The following ZNF81 variants were observed in gnomAD, a reference collection of about 807,000 sequenced individuals.
The protein encoded by ZNF81 is zinc finger protein 81 (HFZ20).
A neutral mutation model predicts 32.3 loss-of-function variants in ZNF81; 5 were observed. That is an observed-to-expected ratio of 0.15 (90% confidence interval 0.08 to 0.33). The LOEUF is 0.33. Among genes scored for constraint, ZNF81 ranks in the 10% least tolerant of loss-of-function variants. ZNF81 has a pLI of 1.00. For missense variants in ZNF81, 379 were observed against 479.8 expected, an observed-to-expected ratio of 0.79 and a Z score of 1.96; for synonymous variants, 163 against 166.8, an observed-to-expected ratio of 0.98 and a Z score of 0.17.
At chrX:47,899,985 T>C (rs1357659937) in intron 4 of ZNF81, among the ~76,000 whole-genome samples, 1 of 111,630 alleles carries the variant, frequency 9.0e-6, no homozygotes, top group Non-Finnish European at 1.9e-5. Context: ...CAGTGTTCTA[T>C]AATCTATAAC....
At chrX:47,872,918 CATT>C (rs2058585818) in intron 2 of ZNF81, among the ~76,000 whole-genome samples, 2 of 111,128 alleles carry the variant, frequency 1.8e-5, no homozygotes. Context: ...AAACCAGTAT[CATT>C]ATTCTGTGGG....
intron 2 of ZNF81, among the ~76,000 whole-genome samples, chrX:47,864,509 A>G (rs2058552852): frequency 8.9e-6 from 1 of 111,843 alleles, no homozygotes; most frequent in Non-Finnish European, 1.9e-5. Context: ...GAGTGGGGCC[A>G]CACGTCATGT....
At chrX:47,860,750 T>C (rs1556882468) in intron 2 of ZNF81, 1 of 110,997 alleles carries the variant, frequency 9.0e-6, no homozygotes, top group African/African-American at 3.3e-5. Context: ...AAAGATGTGG[T>C]TTGGAGAGCT....
chrX:47,871,222 A>G (rs782592593), intron 2 of ZNF81, among the ~76,000 whole-genome samples: 13 of 112,047 alleles, frequency 1.2e-4, no homozygotes, highest in Non-Finnish European at 2.3e-4. Flanking sequence ...TTAATTTTCC[A>G]TGAGATATTT....
At chrX:47,884,420 A>T (rs905468345) in intron 2 of ZNF81, among the ~76,000 whole-genome samples, 1 of 109,011 alleles carries the variant, frequency 9.2e-6, no homozygotes, top group Admixed American at 9.9e-5. Context: ...GGGTCCTCTC[A>T]CTCAGGGTCT....
rs1556890745 is a variant in ZNF81, at chrX:47,915,988, G to T, written c.1342G>T (p.Gly448Trp). ...GERSYICTQC[G>W]QAFIQKAHLI... is the part of the protein sequence containing the mutation. ...GAGGTCCTATATCTGTACTCAATGT[G>T]GGCAGGCCTTCATCCAGAAGGCACA... Residue 448 changes from glycine to tryptophan, a missense_variant, in exon 5 of 5, where the codon GGG becomes TGG. Gly to Trp is a radical substitution (Grantham distance 184, BLOSUM62 -2). Coordinates refer to ENST00000338637, the MANE Select transcript of ZNF81 (RefSeq NM_007137.5). The T allele has an allele frequency of 8.3e-7, 1 of 1,211,522 alleles. No homozygotes were observed. Among genetic ancestry groups the T allele is most frequent in the Admixed American group, 2.2e-5 (1 of 45,935 alleles).
At position 47,920,488 on chromosome X, in the gene ZNF81, A is replaced by C. The variant is rs1219921184; in HGVS notation, c.*3856A>C. 1 of 110,455 alleles carries C rather than the reference A, an allele frequency of 9.1e-6. No individual in the cohort carries two copies. Among genetic ancestry groups the C allele is most frequent in the Non-Finnish European group, 1.9e-5 (1 of 52,835 alleles). 9.1% of individuals were successfully genotyped at this position (110,455 alleles called of 1,213,427 possible). ...AGAAGGCCTTTAATGATCTGGGCCCAGGATGATTTCCTGCCCTTTTATCAT... is the reference window on the plus strand; with the variant it reads ...AGAAGGCCTTTAATGATCTGGGCCCCGGATGATTTCCTGCCCTTTTATCAT... On this transcript the variant is annotated 3_prime_UTR_variant, in exon 5 of 5. Coordinates refer to ENST00000338637, the MANE Select transcript of ZNF81 (RefSeq NM_007137.5).
intron 2 of ZNF81, among the ~76,000 whole-genome samples, chrX:47,873,117 G>T (rs2058586619): frequency 1.8e-5 from 2 of 111,658 alleles, no homozygotes; most frequent in Non-Finnish European, 3.8e-5. Flanking sequence ...CAGCAAATCT[G>T]CAAGGAAGTC....
intron 4 of ZNF81, among the ~76,000 whole-genome samples, chrX:47,902,909 G>A (rs1480724738): frequency 9.0e-6 from 1 of 111,389 alleles, no homozygotes; most frequent in Non-Finnish European, 1.9e-5. Flanking sequence ...AAAAATTAAC[G>A]CAAATCAATA....
rs782132136 is a variant in ZNF81, at chrX:47,857,890, A to G, written c.54+11569A>G. 8.1e-5 allele frequency among the ~76,000 whole-genome samples: 9 copies of G among 110,734 alleles called. No individual in the cohort carries two copies. The East Asian group carries it at 1.1e-3, about 14-fold the overall frequency. On this transcript the variant is annotated intron_variant, in intron 2 of 4. Coordinates refer to ENST00000338637, the MANE Select transcript of ZNF81 (RefSeq NM_007137.5). ...GGGCGAGGCTGGGGGTTACTCTCCT[A>G]TAATCTCTGTGGTACACTTCTTTGC...
rs1202020847 is a variant in ZNF81, at chrX:47,925,538, A to G, written c.*8906A>G. ...TTATTTCATTATATGGACATACCAG[A>G]ATTTGTTTATCCATTCATGTTTTGA... On this transcript the variant is annotated 3_prime_UTR_variant, in exon 5 of 5. Transcript: ENST00000338637. 1.8e-5 allele frequency among the ~76,000 whole-genome samples: 2 copies of G among 112,068 alleles called. No individual in the cohort carries two copies. Among genetic ancestry groups the G allele is most frequent in the African/African-American group, 3.2e-5 (1 of 30,897 alleles).
At chrX:47,906,956 A>T (rs1438652764) in intron 4 of ZNF81, among the ~76,000 whole-genome samples, 3 of 112,255 alleles carry the variant, frequency 2.7e-5, no homozygotes, top group Non-Finnish European at 5.6e-5. Flanking sequence ...TACTGTGCTG[A>T]AAAAGATTGG....
rs375228884 is a variant in ZNF81, at chrX:47,916,569, C to T, written c.1923C>T (p.Ser641=). The T allele has an allele frequency of 9.3e-5, 111 of 1,199,630 alleles. No homozygotes were observed. Among genetic ancestry groups the T allele is most frequent in the African/African-American group, 9.0e-4 (51 of 56,920 alleles). ...CTGGAGATAAACCGTATAAATGCAGCGACTGTGGAAAGGGGTTCACCCAGA... is the reference window on the plus strand; with the variant it reads ...CTGGAGATAAACCGTATAAATGCAGTGACTGTGGAAAGGGGTTCACCCAGA... ...IHTGDKPYKC[S]DCGKGFTQKS... is the part of the protein sequence containing the mutation. Residue 641 remains serine, a synonymous_variant, in exon 5 of 5, where the codon AGC becomes AGT. Transcript: ENST00000338637.
At chrX:47,846,373 A>G (rs1215435558) in intron 2 of ZNF81, 52 bp downstream of exon 2, 1 of 1,159,811 alleles carries the variant, frequency 8.6e-7, no homozygotes, top group Non-Finnish European at 1.2e-6. Flanking sequence ...ACAGCCCTGA[A>G]GGAAAGATAC....
intron 2 of ZNF81, among the ~76,000 whole-genome samples, chrX:47,862,732 T>C (rs1407404786): frequency 9.0e-6 from 1 of 111,021 alleles, no homozygotes; most frequent in Non-Finnish European, 1.9e-5. Context: ...AGAAATTGAA[T>C]GTATTCAGGC....
At chrX:47,843,748 C>T (rs1302127980) in intron 1 of ZNF81, among the ~76,000 whole-genome samples, 6 of 112,002 alleles carry the variant, frequency 5.4e-5, no homozygotes, top group African/African-American at 1.9e-4. Context: ...TGGGCTCAAA[C>T]TCCTGGGCTC....
chrX:47,864,512 C>T (rs1181670195), intron 2 of ZNF81, among the ~76,000 whole-genome samples: 7 of 111,730 alleles, frequency 6.3e-5, no homozygotes, highest in African/African-American at 6.5e-5. Flanking sequence ...TGGGGCCACA[C>T]GTCATGTGAT....
intron 2 of ZNF81, among the ~76,000 whole-genome samples, chrX:47,849,031 A>G (rs1484133689): frequency 8.9e-6 from 1 of 112,001 alleles, no homozygotes; most frequent in Non-Finnish European, 1.9e-5. Flanking sequence ...GTAGCCAATT[A>G]AAGAAATTTT....
chrX:47,842,701 C>T (rs2058454731), intron 1 of ZNF81: 1 of 111,930 alleles, frequency 8.9e-6, no homozygotes, highest in South Asian at 3.7e-4. Flanking sequence ...TCTCAACTCA[C>T]TGCAACCTCT....
Sources: allele counts gnomAD v4.1 joint callset (sites outside exome capture counted in the v4.1 genomes callset), GRCh38; gene constraint gnomAD v4.1.1; transcripts MANE v1.5; gene names NCBI Gene and HGNC (gene_info 2026-07-23, HGNC 2026-07-21).